Variants in CCM2 observed in about 807,000 individuals in gnomAD.
CCM2 encodes CCM2 scaffold protein, also known as cerebral cavernous malformations 2 protein.
In CCM2, 25 loss-of-function variants were observed where a neutral mutation model predicts 44.9. The ratio of observed to expected loss-of-function variants is 0.56; its 90% CI spans 0.41 to 0.78. The LOEUF is 0.78. CCM2 is among the 30% of genes least tolerant of loss of function. The pLI is 0.00. For missense variants in CCM2, 481 were observed against 580.6 expected (o/e 0.83, Z 1.76); for synonymous variants, 219 against 241.1 (o/e 0.91, Z 0.85).
At position 45,000,345 on chromosome 7, in the gene CCM2, G is replaced by A; in HGVS notation, c.12G>A (p.Glu4=). ...CCGCACGCGGCGATATGGAAGAGGA[G>A]GGCAAGAAGGGCAAGAAGGTGAGCG... The part of the protein sequence containing the change: MEE[E]GKKGKKPGIV... Residue 4 remains glutamate (E), a synonymous_variant, in exon 1 of 10, where the codon GAG becomes GAA. Coordinates refer to ENST00000258781, the MANE Select transcript of CCM2 (RefSeq NM_031443.4). 7.7e-7 allele frequency: 1 copy of A among 1,300,988 alleles called. No homozygotes were observed. The highest frequency in any genetic ancestry group is 9.8e-7 in the Non-Finnish European group (1 of 1,016,912). 80.6% of individuals were successfully genotyped at this position (1,300,988 alleles called of 1,614,324 possible). A position where few individuals can be genotyped will look rare whatever the true frequency, so the allele number is the denominator to read the frequency against.
In CCM2 at chr7:45,073,482, G is replaced by A. The variant is rs1799186655; in HGVS notation, c.826G>A (p.Val276Met). The change falls in exon 8 of 10, where the codon GTG (valine) becomes ATG (methionine). Residue 276 changes from valine (V) to methionine (M), a missense_variant. Transcript: ENST00000258781. Reference sequence around the variant, plus strand: ...CAGCTGCTTCCCTGAATCTGTGGATGTGGGTGGTGCATCACCCCACAGCAA... The same window carrying A: ...CAGCTGCTTCCCTGAATCTGTGGATATGGGTGGTGCATCACCCCACAGCAA... ...STFCFPESVD[V>M]GGASPHSKTI... 1 of 1,613,448 alleles carries A rather than the reference G, an allele frequency of 6.2e-7. No individual in the cohort carries two copies. The highest frequency in any genetic ancestry group is 1.7e-5 in the Admixed American group (1 of 60,028).
At chr7:45,065,909 G>T (rs1798749906) in intron 4 of CCM2, among the ~76,000 whole-genome samples, 1 of 152,186 alleles carries the variant, frequency 6.6e-6, no homozygotes, top group Non-Finnish European at 1.5e-5. Context: ...GACCCTGCGG[G>T]AGGCCTTAGG....
intron 1 of CCM2, among the ~76,000 whole-genome samples, chr7:45,029,963 C>G (rs1337453501): frequency 6.6e-6 from 1 of 152,176 alleles, no homozygotes. Flanking sequence ...TTAGAAAGTT[C>G]TGTATAGTTA....
At chr7:45,053,825 C>T (rs1798122765) in intron 2 of CCM2, among the ~76,000 whole-genome samples, 1 of 152,152 alleles carries the variant, frequency 6.6e-6, no homozygotes, top group African/African-American at 2.4e-5. Flanking sequence ...CACGGGTGGG[C>T]TTTCCTGTCA....
chr7:45,044,017 C>G lies in CCM2; in HGVS notation c.204+5591C>G, dbSNP rs550550392. On this transcript the variant is annotated intron_variant, in intron 2 of 9. Coordinates refer to ENST00000258781, the MANE Select transcript of CCM2 (RefSeq NM_031443.4). ...TTCTCTGGCTTATCAGTTCTTCTCC[C>G]TCCAGAATTAGTTGTTTAGTTTGTG... 7.2e-5 allele frequency among the ~76,000 whole-genome samples: 11 copies of G among 152,272 alleles called. No homozygotes were observed. The East Asian group carries it at 1.7e-3, about 24-fold the overall frequency.
At chr7:45,006,771 A>G (rs1795864490) in intron 1 of CCM2, among the ~76,000 whole-genome samples, 1 of 152,328 alleles carries the variant, frequency 6.6e-6, no homozygotes, top group East Asian at 1.9e-4. Context: ...TGGAGGACTC[A>G]TGGAGAAGGC....
At chr7:45,028,740 C>T (rs1274707745) in intron 1 of CCM2, among the ~76,000 whole-genome samples, 1 of 151,988 alleles carries the variant, frequency 6.6e-6, no homozygotes, top group Non-Finnish European at 1.5e-5. Context: ...TTAGACCTCT[C>T]CAGCACCGAG....
chr7:45,072,261 T>C (rs1799115837), intron 6 of CCM2: 1 of 333,474 alleles, frequency 3.0e-6, no homozygotes, highest in Non-Finnish European at 5.9e-6. Flanking sequence ...TGGGTTCAGA[T>C]GGGGAGTCAG....
intron 1 of CCM2, among the ~76,000 whole-genome samples, chr7:45,017,779 A>G (rs904899721): frequency 2.6e-5 from 4 of 152,186 alleles, no homozygotes; most frequent in Non-Finnish European, 5.9e-5. Flanking sequence ...GTGCGTCCCA[A>G]GGCATCTTGT....
At chr7:45,007,952 T>A (rs1192420381) in intron 1 of CCM2, among the ~76,000 whole-genome samples, 1 of 152,172 alleles carries the variant, frequency 6.6e-6, no homozygotes, top group African/African-American at 2.4e-5. Flanking sequence ...AAAAATCAAA[T>A]TTGCTTCCTG....
At chr7:45,058,045 C>T (rs1355759454) in intron 2 of CCM2, among the ~76,000 whole-genome samples, 13 of 152,220 alleles carry the variant, frequency 8.5e-5, no homozygotes, top group African/African-American at 2.9e-4. Flanking sequence ...TAGCAAGCAG[C>T]AGGTAGACTG....
chr7:45,046,974 C>T (rs564974071), intron 2 of CCM2, among the ~76,000 whole-genome samples: 100 of 152,304 alleles, frequency 6.6e-4, no homozygotes, highest in African/African-American at 2.1e-3. Flanking sequence ...TGAAAATATG[C>T]TCAGCATCAT....
chr7:45,072,953 TCTC>T lies in CCM2; in HGVS notation c.803+174_803+176del. On this transcript the variant is annotated intron_variant, in intron 7 of 9. Coordinates refer to ENST00000258781, the MANE Select transcript of CCM2 (RefSeq NM_031443.4). ...ATGGCTGAGGCCTGGCTCGCCGCCC[TCTC>T]CTCGTAGACTTCTAGAGCCCTTGCT... 7.2e-6 allele frequency: 5 copies of T among 693,568 alleles called. No individual in the cohort carries two copies. In the South Asian group the frequency reaches 7.6e-5, roughly 11 times the overall value. The allele number at this position is 693,568 out of a possible 1,614,324, so 43.0% of individuals were successfully genotyped here.
intron 6 of CCM2, 64 bp downstream of exon 6, chr7:45,070,025 C>T: frequency 6.3e-7 from 1 of 1,593,868 alleles, no homozygotes; most frequent in Non-Finnish European, 8.6e-7. Context: ...GCAGTGGCCC[C>T]CAGCTCCCCA....
At chr7:45,074,512 C>T in intron 9 of CCM2, 104 bp downstream of exon 9, 2 of 905,848 alleles carry the variant, frequency 2.2e-6, no homozygotes, top group Non-Finnish European at 3.6e-6. Flanking sequence ...GCAGCAGGGG[C>T]TCCATCAGGG....
intron 2 of CCM2, among the ~76,000 whole-genome samples, chr7:45,047,555 A>G (rs1797817005): frequency 6.6e-6 from 1 of 152,230 alleles, no homozygotes; most frequent in African/African-American, 2.4e-5. Flanking sequence ...CAAAGGAACA[A>G]ACTACACAGC....
chr7:45,066,489 A>G (rs993816240), intron 4 of CCM2, among the ~76,000 whole-genome samples: 2 of 152,312 alleles, frequency 1.3e-5, no homozygotes, highest in South Asian at 4.1e-4. Context: ...TTCTCAGCAT[A>G]AGAGACTAGC....
intron 2 of CCM2, chr7:45,043,826 G>A (rs921308826): frequency 2.5e-5 from 8 of 320,240 alleles, no homozygotes; most frequent in African/African-American, 1.1e-4. Context: ...ACCACTCTCC[G>A]TCTTATGAAT....
intron 1 of CCM2, among the ~76,000 whole-genome samples, chr7:45,029,868 G>A (rs1796876964): frequency 1.3e-5 from 2 of 152,168 alleles, no homozygotes; most frequent in Admixed American, 1.3e-4. Flanking sequence ...GTACATTTTA[G>A]GTTTCCAACT....
Sources: gnomAD v4.1 joint callset for allele counts (sites outside exome capture counted in the v4.1 genomes callset) on GRCh38, gnomAD v4.1.1 for gene constraint, MANE v1.5 for transcripts, NCBI Gene and HGNC (gene_info 2026-07-23, HGNC 2026-07-21) for gene names.